Variants in ERC1 observed in about 807,000 individuals in gnomAD.
The protein encoded by ERC1 is ELKS/RAB6-interacting/CAST family member 1.
Under a neutral mutation model 132.0 loss-of-function variants are expected in ERC1, and 56 were observed. The ratio of observed to expected loss-of-function variants is 0.42; its 90% CI spans 0.34 to 0.53. The LOEUF is 0.53. ERC1 is among the 20% of genes least tolerant of loss of function. The pLI, the probability that ERC1 is intolerant of heterozygous loss-of-function variation, is 0.03. For missense variants in ERC1, 1,202 were observed against 1,349.9 expected (o/e 0.89, Z 1.72); for synonymous variants, 478 against 476.1 (o/e 1.00, Z -0.05).
intron 13 of ERC1, among the ~76,000 whole-genome samples, chr12:1,240,050 T>TG (rs1343636150): frequency 3.3e-5 from 5 of 152,170 alleles, no homozygotes; most frequent in Admixed American, 6.5e-5. Context: ...CAAAGACTAC[T>TG]GGGGTCATAT....
chr12:1,144,638 G>GTA (rs1417729876), intron 8 of ERC1, among the ~76,000 whole-genome samples: 4 of 139,782 alleles, frequency 2.9e-5, no homozygotes, highest in South Asian at 2.1e-4. Flanking sequence ...ATATATACGT[G>GTA]TATATATATA....
At chr12:1,403,585 G>C (rs2091248515) in intron 16 of ERC1, among the ~76,000 whole-genome samples, 1 of 152,056 alleles carries the variant, frequency 6.6e-6, no homozygotes, top group African/African-American at 2.4e-5. Context: ...TTTGGAAATG[G>C]AGAAGTAAGT....
chr12:1,350,010 A>G (rs1028018203), intron 15 of ERC1, among the ~76,000 whole-genome samples: 8 of 152,182 alleles, frequency 5.3e-5, no homozygotes, highest in Non-Finnish European at 1.2e-4. Flanking sequence ...CCAGGTTCAC[A>G]GTGTTGTGCT....
rs560026150 is a variant in ERC1, at chr12:1,237,693, A to C, written c.2487+789A>C. Among the ~76,000 whole-genome samples the C allele has an allele frequency of 6.8e-4, 104 of 152,350 alleles. 1 individual carries two copies. Among genetic ancestry groups the C allele is most frequent in the Non-Finnish European group, 1.4e-3 (92 of 68,034 alleles). The stretch of plus-strand genomic sequence containing the variant: ...TTCTAAATGGCTCAGCCATGATTTT[A>C]ACTGGGACTTCCTGAATCTGTAGAC... On this transcript the variant is annotated intron_variant, in intron 13 of 18. Coordinates refer to ENST00000360905, the MANE Select transcript of ERC1 (RefSeq NM_178040.4).
intron 2 of ERC1, among the ~76,000 whole-genome samples, chr12:1,066,387 G>A (rs924117497): frequency 5.3e-5 from 8 of 152,312 alleles, no homozygotes; most frequent in African/African-American, 1.7e-4. Flanking sequence ...GCTTTAAACT[G>A]CTTTACACCT....
At chr12:990,144 A>T (rs1438597711), upstream of ERC1, 1 of 152,230 alleles carries the variant, frequency 6.6e-6, no homozygotes, top group Non-Finnish European at 1.5e-5. Flanking sequence ...TAATGGGATT[A>T]TGAGGCAGTA....
chr12:1,074,207 A>G (rs1274465333), intron 2 of ERC1, among the ~76,000 whole-genome samples: 1 of 152,072 alleles, frequency 6.6e-6, no homozygotes, highest in Non-Finnish European at 1.5e-5. Context: ...TGGGACCACC[A>G]TGATACATGC....
intron 15 of ERC1, among the ~76,000 whole-genome samples, chr12:1,342,186 CG>C (rs1405709331): frequency 6.6e-6 from 1 of 151,874 alleles, no homozygotes; most frequent in Admixed American, 6.6e-5. Flanking sequence ...TAATGCGGGC[CG>C]GGTGCGGTGG....
chr12:1,468,757 T>G (rs1204164356), intron 18 of ERC1, among the ~76,000 whole-genome samples: 1 of 152,180 alleles, frequency 6.6e-6, no homozygotes, highest in East Asian at 1.9e-4. Flanking sequence ...AGCCACAGAT[T>G]ATTAAATCTG....
intron 7 of ERC1, among the ~76,000 whole-genome samples, chr12:1,127,691 A>G (rs1282235105): frequency 6.6e-6 from 1 of 152,242 alleles, no homozygotes; most frequent in Non-Finnish European, 1.5e-5. Flanking sequence ...GAAAACATGT[A>G]TGAATATAAA....
intron 13 of ERC1, among the ~76,000 whole-genome samples, chr12:1,256,264 ACT>A (rs142542098): frequency 0.016 from 2,248 of 144,842 alleles, 52 homozygotes; most frequent in African/African-American, 0.055. Flanking sequence ...TTAAAATTAG[ACT>A]CTGTTTTTGC....
Position 1,165,802 on chromosome 12 carries a change from A to G in ERC1, c.1738-14738A>G, listed in dbSNP as rs139190505. On this transcript the variant is annotated intron_variant, in intron 8 of 18. Coordinates refer to ENST00000360905, the MANE Select transcript of ERC1 (RefSeq NM_178040.4). ...TAATTTGGATGGAATTTTTTTTCCA[A>G]TCGAGCTAGAATTCACAGATCATAA... Among the ~76,000 whole-genome samples the G allele has an allele frequency of 4.5e-3, 680 of 152,292 alleles. 11 individuals are homozygous for G. Among genetic ancestry groups the G allele is most frequent in the African/African-American group, 0.016 (652 of 41,558 alleles).
At chr12:993,022 A>G (rs539340995) in intron 1 of ERC1, among the ~76,000 whole-genome samples, 15 of 152,338 alleles carry the variant, frequency 9.8e-5, no homozygotes, top group African/African-American at 3.1e-4. Context: ...TGCTTTTTCT[A>G]AGTGCCTACT....
chr12:1,279,741 T>C (rs1411592378), intron 14 of ERC1, among the ~76,000 whole-genome samples: 1 of 151,798 alleles, frequency 6.6e-6, no homozygotes, highest in Non-Finnish European at 1.5e-5. Flanking sequence ...CAGGCCGGAC[T>C]GCGGACTGCA....
In ERC1 at chr12:1,289,126, CACACAT is replaced by C. The variant is rs1010368801; in HGVS notation, c.2620-724_2620-719del. Among the ~76,000 whole-genome samples the C allele has an allele frequency of 7.9e-5, 11 of 139,214 alleles. 1 individual carries two copies. Among genetic ancestry groups the C allele is most frequent in the South Asian group, 6.6e-4 (3 of 4,542 alleles). 91.3% of individuals were successfully genotyped at this position (139,214 alleles called of 152,430 possible). On this transcript the variant is annotated intron_variant, in intron 14 of 18. Coordinates refer to ENST00000360905, the MANE Select transcript of ERC1 (RefSeq NM_178040.4). ...ACACACACACACACACACACACACA[CACACAT>C]AACTATATAGGTATATAGGGATATA...
chr12:1,106,132 A>G (rs755203534), intron 4 of ERC1, among the ~76,000 whole-genome samples: 20 of 152,226 alleles, frequency 1.3e-4, no homozygotes, highest in Non-Finnish European at 2.4e-4. Flanking sequence ...CAAATTACCT[A>G]TGCCTCAGTT....
chr12:1,331,703 G>C (rs564924274), intron 15 of ERC1, among the ~76,000 whole-genome samples: 3 of 152,174 alleles, frequency 2.0e-5, no homozygotes, highest in Non-Finnish European at 4.4e-5. Context: ...CTTCTATAAA[G>C]TGTTGTTAGT....
chr12:1,112,482 A>G (rs1328135647), intron 6 of ERC1, among the ~76,000 whole-genome samples, 184 bp downstream of exon 6: 1 of 152,142 alleles, frequency 6.6e-6, no homozygotes, highest in East Asian at 1.9e-4. Context: ...CCCACATGTC[A>G]CTTTGTGTGC....
At chr12:1,373,569 C>G (rs1466949153) in intron 16 of ERC1, among the ~76,000 whole-genome samples, 3 of 152,200 alleles carry the variant, frequency 2.0e-5, no homozygotes, top group East Asian at 3.9e-4. Flanking sequence ...ATCATGAGGT[C>G]AGGAAATCGA....
Sources: gnomAD v4.1 joint callset for allele counts (sites outside exome capture counted in the v4.1 genomes callset) on GRCh38, gnomAD v4.1.1 for gene constraint, MANE v1.5 for transcripts, NCBI Gene and HGNC (gene_info 2026-07-23, HGNC 2026-07-21) for gene names.